The following DSCAM variants were observed in gnomAD, a reference collection of about 807,000 sequenced individuals.
DSCAM encodes DS cell adhesion molecule.
A neutral mutation model predicts 217.7 loss-of-function variants in DSCAM; 47 were observed. That is an observed-to-expected ratio of 0.22 (90% CI 0.17 to 0.28). The LOEUF is 0.28. DSCAM is among the 10% of genes least tolerant of loss of function. The pLI, the probability that DSCAM is intolerant of heterozygous loss-of-function variation, is 1.00. For missense variants in DSCAM, 2,080 were observed against 2,618.3 expected, an observed-to-expected ratio of 0.79 and a Z score of 4.49; for synonymous variants, 1,056 against 1,015.3, an observed-to-expected ratio of 1.04 and a Z score of -0.76.
Position 40,116,494 on chromosome 21 carries a change from G to A in DSCAM, c.3696+7701C>T, listed in dbSNP as rs554080788. Among the ~76,000 whole-genome samples the A allele has an allele frequency of 2.6e-4, 40 of 152,116 alleles. No individual in the cohort carries two copies. The East Asian group carries it at 3.9e-3, about 15-fold the overall frequency. On this transcript the variant is annotated intron_variant, in intron 20 of 32. Transcript: ENST00000400454. ...AAACCCTTCGAGGTTTTTTCCAGCC[G>A]TATGATTCCATGACAGGATGCTGGG...
chr21:40,791,096 A>G (rs1329373997), intron 1 of DSCAM, among the ~76,000 whole-genome samples: 5 of 151,850 alleles, frequency 3.3e-5, no homozygotes, highest in Non-Finnish European at 7.4e-5. Context: ...AGGCAGGAGA[A>G]TCGCTTGAAC....
intron 1 of DSCAM, among the ~76,000 whole-genome samples, chr21:40,784,035 CTTTT>C (rs1325642346): frequency 6.7e-6 from 1 of 149,284 alleles, no homozygotes; most frequent in East Asian, 1.9e-4. Context: ...AATAACTCAT[CTTTT>C]ATTATTTTAT....
At chr21:40,195,737 G>A (rs562227549) in intron 11 of DSCAM, among the ~76,000 whole-genome samples, 1 of 152,198 alleles carries the variant, frequency 6.6e-6, no homozygotes, top group African/African-American at 2.4e-5. Flanking sequence ...GGAAACTGAG[G>A]CAGGAATTAC....
chr21:40,842,933 A>G (rs1383388715), intron 1 of DSCAM, among the ~76,000 whole-genome samples: 1 of 152,202 alleles, frequency 6.6e-6, no homozygotes, highest in Non-Finnish European at 1.5e-5. Flanking sequence ...TTGGAGGGGC[A>G]TGCAGCTTAA....
intron 3 of DSCAM, among the ~76,000 whole-genome samples, chr21:40,632,648 C>A (rs561362172): frequency 6.6e-6 from 1 of 152,196 alleles, no homozygotes; most frequent in Non-Finnish European, 1.5e-5. Flanking sequence ...CAAGATCACA[C>A]GACAGCACTG....
intron 20 of DSCAM, among the ~76,000 whole-genome samples, chr21:40,112,010 G>C (rs1332205490): frequency 6.6e-6 from 1 of 151,934 alleles, no homozygotes; most frequent in Non-Finnish European, 1.5e-5. Context: ...AGATCAACGA[G>C]ACAGAAAGTT....
Position 40,374,372 on chromosome 21 carries a change from T to C in DSCAM, c.509-5127A>G, listed in dbSNP as rs536667702. On this transcript the variant is annotated intron_variant, in intron 3 of 32. Coordinates refer to ENST00000400454, the MANE Select transcript of DSCAM (RefSeq NM_001389.5). ...CATAGCAGGGCCCCCTTTCAATTGC[T>C]TGTTTGCTTACTTATGAAAGGCAAC... is the stretch of plus-strand genomic sequence containing the variant. Among the ~76,000 whole-genome samples the C allele has an allele frequency of 2.1e-3, 322 of 152,346 alleles. 2 individuals are homozygous for C. Among genetic ancestry groups the C allele is most frequent in the African/African-American group, 6.3e-3 (261 of 41,582 alleles).
intron 3 of DSCAM, among the ~76,000 whole-genome samples, chr21:40,592,125 T>C (rs1315619854): frequency 6.6e-6 from 1 of 152,148 alleles, no homozygotes; most frequent in East Asian, 1.9e-4. Flanking sequence ...TAATACCCCA[T>C]TAAAGTTTTA....
chr21:40,838,433 C>T (rs896603390), intron 1 of DSCAM, among the ~76,000 whole-genome samples: 3 of 152,194 alleles, frequency 2.0e-5, no homozygotes. Context: ...ATTGTGGTGA[C>T]TCCATGATAA....
At chr21:40,776,238 T>C (rs2091487278) in intron 1 of DSCAM, among the ~76,000 whole-genome samples, 1 of 152,128 alleles carries the variant, frequency 6.6e-6, no homozygotes, top group Non-Finnish European at 1.5e-5. Flanking sequence ...CTTCCAGAAT[T>C]ATAATTTGGG....
intron 16 of DSCAM, among the ~76,000 whole-genome samples, chr21:40,149,227 C>T (rs1285189104): frequency 4.6e-5 from 7 of 151,992 alleles, no homozygotes; most frequent in Non-Finnish European, 1.0e-4. Context: ...CCATCACTAT[C>T]CCAACACCAA....
intron 3 of DSCAM, among the ~76,000 whole-genome samples, chr21:40,427,379 A>T (rs1008508084): frequency 1.3e-5 from 2 of 152,178 alleles, no homozygotes; most frequent in Non-Finnish European, 2.9e-5. Context: ...CCATTCATAT[A>T]CTGACAAACT....
intron 16 of DSCAM, among the ~76,000 whole-genome samples, chr21:40,150,009 A>G (rs1166353475): frequency 6.6e-6 from 1 of 152,210 alleles, no homozygotes; most frequent in Non-Finnish European, 1.5e-5. Flanking sequence ...CACAACTACT[A>G]CTACCTCTAC....
At chr21:40,059,496 G>C (rs778525681) in intron 28 of DSCAM, among the ~76,000 whole-genome samples, 6 of 152,174 alleles carry the variant, frequency 3.9e-5, no homozygotes, top group Admixed American at 6.5e-5. Context: ...GGGTGATGCT[G>C]CCAGGCCAGG....
At chr21:40,221,878 T>G (rs2091292028) in intron 11 of DSCAM, among the ~76,000 whole-genome samples, 1 of 152,180 alleles carries the variant, frequency 6.6e-6, no homozygotes, top group Non-Finnish European at 1.5e-5. Context: ...TAACATTCTG[T>G]GTGACAGAAT....
At chr21:40,281,924 C>T (rs937478882) in intron 10 of DSCAM, among the ~76,000 whole-genome samples, 1 of 151,874 alleles carries the variant, frequency 6.6e-6, no homozygotes, top group Admixed American at 6.6e-5. Flanking sequence ...TTTTTTTGTT[C>T]TCGTTGCTTC....
intron 1 of DSCAM, among the ~76,000 whole-genome samples, chr21:40,755,677 G>GC (rs1369657103): frequency 6.6e-6 from 1 of 152,066 alleles, no homozygotes; most frequent in Non-Finnish European, 1.5e-5. Context: ...TAGCACCCTG[G>GC]CCCCCCAAGG....
At chr21:40,015,836 C>T (rs2088147638) in intron 32 of DSCAM, among the ~76,000 whole-genome samples, 1 of 152,200 alleles carries the variant, frequency 6.6e-6, no homozygotes, top group African/African-American at 2.4e-5. Context: ...GCCACCAGGT[C>T]CACTTTGCAA....
chr21:40,245,766 A>G (rs981169363), intron 11 of DSCAM, among the ~76,000 whole-genome samples: 1 of 152,094 alleles, frequency 6.6e-6, no homozygotes, highest in African/African-American at 2.4e-5. Flanking sequence ...TGTGCTTTTC[A>G]TTATTCTGAA....
Sources: gnomAD v4.1 joint callset for allele counts (sites outside exome capture counted in the v4.1 genomes callset) on GRCh38, gnomAD v4.1.1 for gene constraint, MANE v1.5 for transcripts, NCBI Gene and HGNC (gene_info 2026-07-23, HGNC 2026-07-21) for gene names.